Variants in NDST4 observed in about 807,000 individuals in gnomAD.
NDST4 encodes the protein N-heparan sulfate sulfotransferase 4.
Under a neutral mutation model 100.8 loss-of-function variants are expected in NDST4, and 63 were observed. The ratio of observed to expected loss-of-function variants is 0.62; its 90% confidence interval spans 0.51 to 0.77. The LOEUF is 0.77. Among genes scored for constraint, NDST4 ranks in the 30% least tolerant of loss-of-function variants. NDST4 has a pLI of 0.00. For missense variants in NDST4, 943 were observed against 1,018.4 expected (o/e 0.93, Z 1.01); for synonymous variants, 377 against 361.8 (o/e 1.04, Z -0.48).
At chr4:114,901,761 T>C (rs1393467039) in intron 6 of NDST4, among the ~76,000 whole-genome samples, 2 of 151,846 alleles carry the variant, frequency 1.3e-5, no homozygotes, top group Non-Finnish European at 1.5e-5. Flanking sequence ...GCATTGCATA[T>C]CATTGTATTT....
intron 2 of NDST4, among the ~76,000 whole-genome samples, chr4:115,038,009 G>A (rs1421016605): frequency 2.6e-5 from 4 of 152,152 alleles, no homozygotes; most frequent in African/African-American, 9.6e-5. Context: ...CCGAAAGAGA[G>A]GATGAAAATA....
At chr4:114,841,562 G>C (rs1723427631) in intron 10 of NDST4, among the ~76,000 whole-genome samples, 1 of 152,092 alleles carries the variant, frequency 6.6e-6, no homozygotes, top group Admixed American at 6.5e-5. Flanking sequence ...TATTGAACTG[G>C]TTTAATCTAT....
At chr4:114,848,054 A>G (rs1723592400) in intron 9 of NDST4, among the ~76,000 whole-genome samples, 161 bp downstream of exon 9, 1 of 152,228 alleles carries the variant, frequency 6.6e-6, no homozygotes. Flanking sequence ...ATCACATTAT[A>G]GGCAACACTG....
intron 9 of NDST4, among the ~76,000 whole-genome samples, chr4:114,847,249 G>A (rs1723569781): frequency 7.2e-6 from 1 of 139,650 alleles, no homozygotes; most frequent in East Asian, 2.0e-4. Context: ...AGTGGCGGGC[G>A]CCTGTAGTCC....
At chr4:114,869,782 ATTTAT>A (rs1724108306) in intron 7 of NDST4, among the ~76,000 whole-genome samples, 1 of 152,136 alleles carries the variant, frequency 6.6e-6, no homozygotes, top group Admixed American at 6.6e-5. Flanking sequence ...TTGAGAAAAA[ATTTAT>A]TTTGTTCTTT....
chr4:115,089,337 T>A (rs898120070), intron 1 of NDST4, among the ~76,000 whole-genome samples: 9 of 151,080 alleles, frequency 6.0e-5, no homozygotes, highest in Non-Finnish European at 1.3e-4. Flanking sequence ...ATTATTTCAT[T>A]TTTTTCAAGA....
rs1299209888 is a variant in NDST4, at chr4:115,076,418, C to T, written c.619G>A (p.Ala207Thr). The T allele has an allele frequency of 6.2e-7, 1 of 1,613,786 alleles. No individual in the cohort carries two copies. The highest frequency in any genetic ancestry group is 8.5e-7 in the Non-Finnish European group (1 of 1,179,972). The change falls in exon 2 of 14, where the codon GCC becomes ACC. Residue 207 changes from alanine (A) to threonine (T), a missense_variant. By Grantham distance (58) the Ala-to-Thr change is moderately conservative. This residue lies in a region of NDST4 where 417 missense variants were observed against 384.2 expected (regional missense o/e 1.09). Coordinates refer to ENST00000264363, the MANE Select transcript of NDST4 (RefSeq NM_022569.3). ...AGAGGGCCTTTCTCAACCTTGGGGG[C>T]TTTGGTAATATGCAGCAAAGGAGAT... The part of the protein sequence containing the change: ...PQSPLLHITK[A>T]PKVEKGPLPG...
intron 2 of NDST4, among the ~76,000 whole-genome samples, chr4:114,996,718 C>T (rs781038398): frequency 6.6e-5 from 10 of 151,854 alleles, no homozygotes; most frequent in African/African-American, 2.2e-4. Context: ...TAAAGAAGAC[C>T]GATACTAAAA....
chr4:115,031,204 T>C (rs1728108224), intron 2 of NDST4, among the ~76,000 whole-genome samples: 1 of 152,040 alleles, frequency 6.6e-6, no homozygotes, highest in South Asian at 2.1e-4. Context: ...AGGGGAGTGG[T>C]CTGTTCATTT....
intron 8 of NDST4, among the ~76,000 whole-genome samples, chr4:114,850,039 A>G (rs1173662285): frequency 6.6e-6 from 1 of 152,238 alleles, no homozygotes; most frequent in Non-Finnish European, 1.5e-5. Flanking sequence ...CATGAAATCT[A>G]GAAGTTTTTT....
chr4:114,853,265 G>C (rs1723719122), intron 7 of NDST4, among the ~76,000 whole-genome samples: 1 of 151,918 alleles, frequency 6.6e-6, no homozygotes, highest in Admixed American at 6.6e-5. Flanking sequence ...TTCATTTCAT[G>C]TTTTGATTCA....
chr4:114,877,799 G>A (rs572565754), intron 6 of NDST4, among the ~76,000 whole-genome samples: 1 of 151,986 alleles, frequency 6.6e-6, no homozygotes, highest in East Asian at 1.9e-4. Context: ...AATACAAAAA[G>A]TAGCCGGGCC....
intron 2 of NDST4, among the ~76,000 whole-genome samples, chr4:115,021,415 C>T (rs189214875): frequency 0.016 from 2,473 of 150,038 alleles, 95 homozygotes; most frequent in African/African-American, 0.057. Flanking sequence ...ATACATTCCA[C>T]ATACATTCCA....
chr4:114,993,242 G>A (rs559234962), intron 2 of NDST4, among the ~76,000 whole-genome samples: 3 of 151,848 alleles, frequency 2.0e-5, no homozygotes, highest in African/African-American at 7.2e-5. Flanking sequence ...ATGACATCTG[G>A]GTGTGCACTA....
At chr4:114,964,111 C>A (rs1405152490) in intron 4 of NDST4, among the ~76,000 whole-genome samples, 1 of 152,178 alleles carries the variant, frequency 6.6e-6, no homozygotes, top group Non-Finnish European at 1.5e-5. Flanking sequence ...AGAGCCTTAG[C>A]TCTAATGAAG....
chr4:114,952,246 G>T (rs1014392896), intron 4 of NDST4, among the ~76,000 whole-genome samples: 1 of 152,056 alleles, frequency 6.6e-6, no homozygotes, highest in Non-Finnish European at 1.5e-5. Context: ...GATATAAATA[G>T]CTCATTTTTC....
intron 1 of NDST4, among the ~76,000 whole-genome samples, chr4:115,081,641 C>T (rs1019099823): frequency 7.2e-5 from 11 of 152,202 alleles, no homozygotes; most frequent in Admixed American, 3.9e-4. Context: ...AGGATAATAA[C>T]GAAGACATTA....
In NDST4 at chr4:115,076,516, C is replaced by A. The variant is rs1257179067; in HGVS notation, c.521G>T (p.Ser174Ile). The A allele has an allele frequency of 5.0e-6, 8 of 1,613,940 alleles. No homozygotes were observed. Among genetic ancestry groups the A allele is most frequent in the Non-Finnish European group, 6.8e-6 (8 of 1,179,942 alleles). The change falls in exon 2 of 14, where the codon AGT becomes ATT. Residue 174 changes from serine to isoleucine, a missense_variant. By Grantham distance (142) the Ser-to-Ile change is moderately radical. This residue lies in a region of NDST4 where 417 missense variants were observed against 384.2 expected (regional missense o/e 1.09). Transcript: ENST00000264363. ...TAACGGAAAGCCTTTTAATTGTGTA[C>A]TTGGTAAGCTGTTCTCATTGGCTTT... The part of the protein sequence containing the change: ...FHKANENSLP[S>I]TQLKGFPLNL...
chr4:115,075,579 G>C (rs1729161163), intron 2 of NDST4, among the ~76,000 whole-genome samples: 2 of 152,110 alleles, frequency 1.3e-5, no homozygotes, highest in African/African-American at 4.8e-5. Flanking sequence ...GAGGTCAGGA[G>C]TTTAAGACCA....
Sources: gnomAD v4.1 joint callset for allele counts (sites outside exome capture counted in the v4.1 genomes callset) on GRCh38, gnomAD v4.1.1 for gene constraint, gnomAD v4.1.1 regional missense constraint, MANE v1.5 for transcripts, NCBI Gene and HGNC (gene_info 2026-07-23, HGNC 2026-07-21) for gene names.